NEK7: variants seen among roughly 807,000 people sequenced by gnomAD.
The protein encoded by NEK7 is NIMA related kinase 7.
Under a neutral mutation model 44.6 loss-of-function variants are expected in NEK7, and 18 were observed. The observed-to-expected ratio is 0.40, with a 90% CI of 0.28 to 0.60. The LOEUF is 0.60. Ranked by LOEUF, NEK7 falls within the 20% of genes least tolerant of loss-of-function variation. The probability of loss-of-function intolerance (pLI) is 0.38; values close to 1 mark genes in which losing one functional copy is unlikely to be tolerated. For synonymous variants in NEK7, 130 were observed against 121.1 expected (o/e 1.07, Z -0.48); for missense variants, 256 against 366.5 (o/e 0.70, Z 2.46).
intron 8 of NEK7, among the ~76,000 whole-genome samples, chr1:198,295,335 G>A (rs768499837): frequency 3.3e-5 from 5 of 151,974 alleles, no homozygotes; most frequent in African/African-American, 7.2e-5. Context: ...TCGTCCCTCC[G>A]ACACCCCCAG....
rs117646333 is a variant in NEK7, at chr1:198,245,552, G to A, written c.58-7488G>A. The stretch of plus-strand genomic sequence containing the variant: ...AGTTATTCAGAAGGCATGGGAATAA[G>A]CAAGTGCAATGCCATGGGCATGAGG... On this transcript the variant is annotated intron_variant, in intron 2 of 9. Transcript: ENST00000367385. Among the ~76,000 whole-genome samples the A allele has an allele frequency of 2.6e-3, 394 of 152,336 alleles. 17 individuals are homozygous for A. The East Asian group carries it at 0.066, about 25-fold the overall frequency.
Position 198,277,853 on chromosome 1 carries a change from A to G in NEK7, c.373-108A>G. The G allele has an allele frequency of 6.3e-6, 4 of 636,284 alleles. No homozygotes were observed. In the South Asian group the frequency reaches 7.4e-5, roughly 12 times the overall value. 39.4% of individuals were successfully genotyped at this position (636,284 alleles called of 1,614,324 possible). On this transcript the variant is annotated intron_variant, in intron 5 of 9. Transcript: ENST00000367385. ...AAAGATCATATGCTTTTTAGTTGAT[A>G]ATGGTAGATAAAATTAGCTGTTTTT... is the stretch of plus-strand genomic sequence containing the variant.
At chr1:198,238,224 C>T (rs1217122700) in intron 2 of NEK7, among the ~76,000 whole-genome samples, 1 of 152,174 alleles carries the variant, frequency 6.6e-6, no homozygotes, top group African/African-American at 2.4e-5. Context: ...TCCCCTGTAA[C>T]CCTCTCAAGT....
At chr1:198,163,606 T>C (rs1664174134) in intron 1 of NEK7, among the ~76,000 whole-genome samples, 1 of 152,200 alleles carries the variant, frequency 6.6e-6, no homozygotes, top group African/African-American at 2.4e-5. Context: ...ACAGTTTATT[T>C]CTAGGTGTGG....
chr1:198,232,972 G>A (rs3814324), intron 2 of NEK7, among the ~76,000 whole-genome samples: 20,942 of 151,512 alleles, frequency 0.14, 2,116 homozygotes, highest in East Asian at 0.58. Flanking sequence ...TTAAAATATT[G>A]TTTGATAATG....
At chr1:198,228,036 A>G (rs1040522552) in intron 1 of NEK7, among the ~76,000 whole-genome samples, 7 of 152,066 alleles carry the variant, frequency 4.6e-5, no homozygotes, top group East Asian at 3.9e-4. Context: ...ATCTTGAATT[A>G]ATTTTTGTAT....
intron 1 of NEK7, among the ~76,000 whole-genome samples, chr1:198,223,686 A>T (rs538163401): frequency 2.2e-4 from 34 of 152,310 alleles, no homozygotes; most frequent in African/African-American, 7.9e-4. Context: ...AACTGACATT[A>T]CTTGTTGTTA....
At position 198,317,877 on chromosome 1, in the gene NEK7, A is replaced by ATTTTTGTTTTTTTTTTTTT. The variant is rs537862004; in HGVS notation, c.799-1530_799-1529insGTTTTTTTTTTTTTTTTTT. Among the ~76,000 whole-genome samples, 13 of 70,268 alleles carry ATTTTTGTTTTTTTTTTTTT rather than the reference A, an allele frequency of 1.9e-4. 2 individuals carry two copies. The highest frequency in any genetic ancestry group is 6.1e-4 in the Admixed American group (3 of 4,882). The allele number at this position is 70,268 out of a possible 152,430, so 46.1% of individuals were successfully genotyped here. A position where few individuals can be genotyped will look rare whatever the true frequency, so the allele number is the denominator to read the frequency against. ...GCATTGTGTATTACTGGATATATTT[A>ATTTTTGTTTTTTTTTTTTT]TTTTTTTTTTTTTTTTTTTTTTTGG... On this transcript the variant is annotated intron_variant, in intron 9 of 9. Coordinates refer to ENST00000367385, the MANE Select transcript of NEK7 (RefSeq NM_133494.3).
At chr1:198,298,900 G>T (rs557344538) in intron 9 of NEK7, among the ~76,000 whole-genome samples, 8 of 152,220 alleles carry the variant, frequency 5.3e-5, no homozygotes, top group Non-Finnish European at 1.0e-4. Flanking sequence ...CTAGTGGTTC[G>T]TTGAAGTCGG....
intron 1 of NEK7, among the ~76,000 whole-genome samples, chr1:198,207,413 CA>C (rs1665629316): frequency 6.6e-6 from 1 of 152,042 alleles, no homozygotes; most frequent in South Asian, 2.1e-4. Flanking sequence ...GACTGGTACG[CA>C]AATATTTATA....
chr1:198,159,075 G>A (rs1439497862), intron 1 of NEK7, among the ~76,000 whole-genome samples: 3 of 152,206 alleles, frequency 2.0e-5, no homozygotes, highest in Non-Finnish European at 4.4e-5. Flanking sequence ...CCGGGAGCCC[G>A]GAGGACCCTC....
At chr1:198,244,313 G>A (rs137894666) in intron 2 of NEK7, among the ~76,000 whole-genome samples, 140 of 152,194 alleles carry the variant, frequency 9.2e-4, no homozygotes, top group Middle Eastern at 3.4e-3. Context: ...AGACTATTGA[G>A]TTCATGCTGT....
intron 1 of NEK7, among the ~76,000 whole-genome samples, chr1:198,228,220 G>T (rs1666284803): frequency 6.6e-6 from 1 of 151,954 alleles, no homozygotes; most frequent in East Asian, 1.9e-4. Context: ...CTGTTCCATT[G>T]GTCTATATCT....
At chr1:198,188,848 T>C (rs1007008104) in intron 1 of NEK7, among the ~76,000 whole-genome samples, 2 of 152,120 alleles carry the variant, frequency 1.3e-5, no homozygotes, top group Non-Finnish European at 2.9e-5. Context: ...GCCAGGAAAG[T>C]TGATCATCTC....
chr1:198,239,799 A>G (rs947215451), intron 2 of NEK7, among the ~76,000 whole-genome samples: 1 of 152,166 alleles, frequency 6.6e-6, no homozygotes, highest in African/African-American at 2.4e-5. Context: ...TCATTCTGAG[A>G]ACTGCATTGT....
At chr1:198,278,655 G>A (rs916385707) in intron 6 of NEK7, among the ~76,000 whole-genome samples, 5 of 151,748 alleles carry the variant, frequency 3.3e-5, no homozygotes, top group Non-Finnish European at 5.9e-5. Context: ...AAAAGGACAC[G>A]TGTATTTTGT....
intron 3 of NEK7, among the ~76,000 whole-genome samples, chr1:198,255,245 A>G (rs1653216493): frequency 1.3e-5 from 2 of 152,290 alleles, no homozygotes; most frequent in African/African-American, 2.4e-5. Flanking sequence ...TAGAGTAACA[A>G]TCTTCAAAAT....
At chr1:198,211,322 G>T (rs949505070) in intron 1 of NEK7, among the ~76,000 whole-genome samples, 1 of 152,160 alleles carries the variant, frequency 6.6e-6, no homozygotes, top group African/African-American at 2.4e-5. Context: ...AGGAAATTAT[G>T]TATCAGATGA....
chr1:198,310,911 G>T (rs1655162559), intron 9 of NEK7, among the ~76,000 whole-genome samples: 1 of 149,726 alleles, frequency 6.7e-6, no homozygotes, highest in African/African-American at 2.5e-5. Flanking sequence ...GGATTGACTT[G>T]GCGATGCGGG....
Sources: allele counts gnomAD v4.1 joint callset (sites outside exome capture counted in the v4.1 genomes callset), GRCh38; gene constraint gnomAD v4.1.1; transcripts MANE v1.5; gene names NCBI Gene and HGNC (gene_info 2026-07-23, HGNC 2026-07-21).